The following EML6 variants were observed in gnomAD, a reference collection of about 807,000 sequenced individuals.
The protein encoded by EML6 is EMAP like 6.
Under a neutral mutation model 240.1 loss-of-function variants are expected in EML6, and 154 were observed. The ratio of observed to expected loss-of-function variants is 0.64; its 90% CI spans 0.56 to 0.73. EML6 has a LOEUF of 0.73. Among genes scored for constraint, EML6 ranks in the 30% least tolerant of loss-of-function variants. The probability of loss-of-function intolerance (pLI) is 0.00; values close to 1 mark genes in which losing one functional copy is unlikely to be tolerated. For missense variants in EML6, 2,964 were observed against 2,474.6 expected, an observed-to-expected ratio of 1.20 and a Z score of -4.20; for synonymous variants, 1,148 against 899.0, an observed-to-expected ratio of 1.28 and a Z score of -4.95.
rs553550638 is a variant in EML6 at position 54,958,960 on chromosome 2, TCTG to T, written c.4696-138_4696-136del. The T allele has an allele frequency of 4.0e-5, 29 of 718,998 alleles. No individual in the cohort carries two copies. In the African/African-American group the frequency reaches 4.5e-4, roughly 11 times the overall value. 44.5% of individuals were successfully genotyped at this position (718,998 alleles called of 1,614,324 possible). A position where few individuals can be genotyped will look rare whatever the true frequency, so the allele number is the denominator to read the frequency against. On this transcript the variant is annotated intron_variant, in intron 33 of 41. Transcript: ENST00000356458. ...TGCTCTCGGTGATTTCTTTGCAAATTCTGCTGCTTTCCTTAGCACAAAGAGATC... is the reference window on the plus strand; with the variant it reads ...TGCTCTCGGTGATTTCTTTGCAAATTCTGCTTTCCTTAGCACAAAGAGATC...
chr2:54,856,053 C>T (rs563227177), intron 11 of EML6, among the ~76,000 whole-genome samples: 4 of 152,278 alleles, frequency 2.6e-5, no homozygotes, highest in Admixed American at 2.6e-4. Context: ...GACATGTTTG[C>T]AATTATATGT....
intron 33 of EML6, among the ~76,000 whole-genome samples, chr2:54,958,793 T>G (rs1284116889): frequency 2.0e-5 from 3 of 151,922 alleles, no homozygotes; most frequent in Non-Finnish European, 2.9e-5. Flanking sequence ...TGGCCTGGAG[T>G]CTGCCCCATC....
In EML6 at chr2:54,786,622, A is replaced by T. The variant is rs1669105058; in HGVS notation, c.198-26610A>T. The stretch of plus-strand genomic sequence containing the variant: ...ACACAAGGTAGAACCCACAACACAC[A>T]TTCCTCTCCATTATACTGAGTTTCT... On this transcript the variant is annotated intron_variant, in intron 2 of 41. Coordinates refer to ENST00000356458, the MANE Select transcript of EML6 (RefSeq NM_001039753.4). 2.6e-5 allele frequency among the ~76,000 whole-genome samples: 4 copies of T among 152,190 alleles called. No homozygotes were observed. The South Asian group carries it at 6.2e-4, about 24-fold the overall frequency.
Position 54,776,176 on chromosome 2 carries a change from C to G in EML6, c.198-37056C>G, listed in dbSNP as rs1300501641. Among the ~76,000 whole-genome samples, 3 of 151,912 alleles carry G rather than the reference C, an allele frequency of 2.0e-5. No individual in the cohort carries two copies. The East Asian group carries it at 5.8e-4, about 29-fold the overall frequency. Reference sequence around the variant, plus strand: ...GCCTTAGGCTTTTAGCAGCCCAAAGCCATGTTTTTTAGTTTCTGACTCTAG... The same window carrying G: ...GCCTTAGGCTTTTAGCAGCCCAAAGGCATGTTTTTTAGTTTCTGACTCTAG... On this transcript the variant is annotated intron_variant, in intron 2 of 41. Transcript: ENST00000356458.
At chr2:54,883,243 T>G (rs1051232701) in intron 17 of EML6, among the ~76,000 whole-genome samples, 1 of 152,232 alleles carries the variant, frequency 6.6e-6, no homozygotes, top group African/African-American at 2.4e-5. Context: ...CATTTTTATT[T>G]ACATGTGGAG....
chr2:54,833,251 T>G (rs1668968415), intron 7 of EML6, among the ~76,000 whole-genome samples: 1 of 152,226 alleles, frequency 6.6e-6, no homozygotes, highest in Non-Finnish European at 1.5e-5. Context: ...CTTCTGTTGC[T>G]CCTCCTGTAG....
chr2:54,908,623 C>T (rs1573120291), intron 24 of EML6, among the ~76,000 whole-genome samples: 1 of 152,170 alleles, frequency 6.6e-6, no homozygotes, highest in East Asian at 1.9e-4. Flanking sequence ...CTAGTTTCAG[C>T]ATCCACTGCT....
intron 2 of EML6, among the ~76,000 whole-genome samples, chr2:54,733,123 T>C (rs1683244351): frequency 1.3e-5 from 2 of 152,222 alleles, no homozygotes; most frequent in Non-Finnish European, 1.5e-5. Flanking sequence ...TGCCACTCCC[T>C]TTCCCATTAA....
intron 5 of EML6, among the ~76,000 whole-genome samples, chr2:54,827,216 A>G (rs1668639579): frequency 6.6e-6 from 1 of 152,240 alleles, no homozygotes; most frequent in African/African-American, 2.4e-5. Context: ...ATAAACCTAT[A>G]CTACTTTTAT....
chr2:54,960,370 G>A, intron 35 of EML6, 36 bp downstream of exon 35: 1 of 1,472,512 alleles, frequency 6.8e-7, no homozygotes, highest in South Asian at 1.2e-5. Flanking sequence ...GCTGGGCCAG[G>A]GAAGGGGGAA....
chr2:54,916,532 C>A (rs543762354), intron 25 of EML6, among the ~76,000 whole-genome samples: 8 of 152,256 alleles, frequency 5.3e-5, no homozygotes, highest in Admixed American at 3.3e-4. Context: ...TCAAAATGTT[C>A]ATTTTATCTA....
intron 32 of EML6, 27 bp downstream of exon 32, chr2:54,954,183 C>T: frequency 1.3e-6 from 2 of 1,541,730 alleles, no homozygotes; most frequent in East Asian, 2.5e-5. Flanking sequence ...CTTTCTGTCC[C>T]TCCAGGGTGT....
chr2:54,874,375 A>T (rs1671401403), intron 16 of EML6, among the ~76,000 whole-genome samples: 1 of 152,198 alleles, frequency 6.6e-6, no homozygotes. Context: ...CGATTCTGTA[A>T]CTGCTTCTGA....
intron 2 of EML6, among the ~76,000 whole-genome samples, chr2:54,793,621 C>G (rs1669589646): frequency 6.6e-6 from 1 of 152,176 alleles, no homozygotes; most frequent in Non-Finnish European, 1.5e-5. Context: ...AATATCTATT[C>G]TTCCCTTCCT....
At chr2:54,832,916 G>A (rs1280281125) in intron 7 of EML6, among the ~76,000 whole-genome samples, 1 of 152,170 alleles carries the variant, frequency 6.6e-6, no homozygotes, top group African/African-American at 2.4e-5. Flanking sequence ...GTTTGGACAT[G>A]ACAGTTTTAT....
At chr2:54,861,493 T>C (rs1670668375) in intron 12 of EML6, among the ~76,000 whole-genome samples, 1 of 152,202 alleles carries the variant, frequency 6.6e-6, no homozygotes, top group Admixed American at 6.5e-5. Context: ...GGTAAATGAC[T>C]GTGCTCAGCT....
chr2:54,848,524 TACACACACACAC>T (rs59587579), intron 9 of EML6, among the ~76,000 whole-genome samples: 1 of 145,742 alleles, frequency 6.9e-6, no homozygotes, highest in Non-Finnish European at 1.5e-5. Flanking sequence ...GCTTCCACAC[TACACACACACAC>T]ACACACACAC....
intron 2 of EML6, among the ~76,000 whole-genome samples, chr2:54,777,696 G>T (rs750638329): frequency 1.3e-5 from 2 of 152,132 alleles, no homozygotes; most frequent in Non-Finnish European, 2.9e-5. Context: ...TGACCAATCT[G>T]CCCTCAGCTT....
At chr2:54,865,966 T>C (rs775433463) in intron 13 of EML6, among the ~76,000 whole-genome samples, 2 of 152,028 alleles carry the variant, frequency 1.3e-5, no homozygotes, top group Admixed American at 6.5e-5. Context: ...GATGAAAGCA[T>C]CATGAATTAA....
Sources: allele counts gnomAD v4.1 joint callset (sites outside exome capture counted in the v4.1 genomes callset), GRCh38; gene constraint gnomAD v4.1.1; transcripts MANE v1.5; gene names NCBI Gene and HGNC (gene_info 2026-07-23, HGNC 2026-07-21).